KIAA0825: variants seen among roughly 807,000 people sequenced by gnomAD.
KIAA0825 encodes the protein uncharacterized protein KIAA0825.
KIAA0825 carries 119 observed loss-of-function variants against 147.6 expected under a neutral mutation model. The observed-to-expected ratio is 0.81, with a 90% CI of 0.69 to 0.94. KIAA0825 has a LOEUF of 0.94. KIAA0825 is among the 40% of genes least tolerant of loss of function. The pLI is 0.00. For missense variants in KIAA0825, 1,381 were observed against 1,472.7 expected (o/e 0.94, Z 1.02); for synonymous variants, 470 against 518.1 (o/e 0.91, Z 1.26).
chr5:94,608,464 T>G (rs1254957363), intron 1 of KIAA0825, among the ~76,000 whole-genome samples: 1 of 18,330 alleles, frequency 5.5e-5, no homozygotes, highest in Non-Finnish European at 9.6e-5. Flanking sequence ...TATATATATA[T>G]TATATATATA....
intron 20 of KIAA0825, among the ~76,000 whole-genome samples, chr5:94,371,079 A>G (rs1270249541): frequency 1.3e-5 from 2 of 152,148 alleles, no homozygotes; most frequent in Admixed American, 6.5e-5. Flanking sequence ...TTTATATTTT[A>G]TATCTTCCTG....
intron 5 of KIAA0825, among the ~76,000 whole-genome samples, chr5:94,516,752 A>G (rs1481700845): frequency 6.7e-6 from 1 of 148,156 alleles, no homozygotes; most frequent in Non-Finnish European, 1.5e-5. Flanking sequence ...ATCGCGCCAC[A>G]GCACTCCCGC....
intron 2 of KIAA0825, among the ~76,000 whole-genome samples, chr5:94,537,841 T>C (rs1772400065): frequency 6.6e-6 from 1 of 152,072 alleles, no homozygotes; most frequent in Non-Finnish European, 1.5e-5. Context: ...CACCTGGAAA[T>C]TGTAGCCTTA....
At chr5:94,236,526 A>G (rs551565060) in intron 20 of KIAA0825, among the ~76,000 whole-genome samples, 4 of 152,354 alleles carry the variant, frequency 2.6e-5, no homozygotes, top group African/African-American at 7.2e-5. Context: ...AAGAATTTAG[A>G]ATATTTCATA....
At chr5:94,424,145 CT>C (rs1754540696) in intron 14 of KIAA0825, among the ~76,000 whole-genome samples, 1 of 152,114 alleles carries the variant, frequency 6.6e-6, no homozygotes, top group African/African-American at 2.4e-5. Context: ...TTCTGTATAA[CT>C]GTCCATAAAA....
intron 20 of KIAA0825, among the ~76,000 whole-genome samples, chr5:94,200,946 CATATATATATATATATATATATATAT>C (rs34842887): frequency 1.3e-4 from 14 of 103,896 alleles, no homozygotes; most frequent in Middle Eastern, 5.6e-3. Flanking sequence ...AGAATTTAAA[CATATATATATATATATATATATATAT>C]ATATATATAT....
rs1380431335 is a variant in KIAA0825 at position 94,151,437 on chromosome 5, A to C, written c.*2570T>G. Among the ~76,000 whole-genome samples, 7 of 151,094 alleles carry C rather than the reference A, an allele frequency of 4.6e-5. No homozygotes were observed. The highest frequency in any genetic ancestry group is 3.9e-4 in the East Asian group (2 of 5,182). ...AGACTCCGTCTCAAAAAAAAAAAAAAAAAAAAAAAAAAAACATATTGAGTA... is the reference window on the plus strand; with the variant it reads ...AGACTCCGTCTCAAAAAAAAAAAAACAAAAAAAAAAAAAACATATTGAGTA... On this transcript the variant is annotated 3_prime_UTR_variant, in exon 21 of 21. Transcript: ENST00000682413.
intron 20 of KIAA0825, among the ~76,000 whole-genome samples, chr5:94,155,767 G>A (rs992659133): frequency 2.6e-5 from 4 of 152,062 alleles, no homozygotes; most frequent in African/African-American, 4.8e-5. Context: ...GTTTCTCCAC[G>A]TTTCCATATG....
At chr5:94,368,243 G>A (rs2150438303) in intron 20 of KIAA0825, among the ~76,000 whole-genome samples, 1 of 152,358 alleles carries the variant, frequency 6.6e-6, no homozygotes, top group African/African-American at 2.4e-5. Flanking sequence ...TGCAATCACA[G>A]CTCACTACAG....
chr5:94,497,373 C>A (rs1764506316), intron 5 of KIAA0825, among the ~76,000 whole-genome samples: 1 of 152,142 alleles, frequency 6.6e-6, no homozygotes, highest in Non-Finnish European at 1.5e-5. Flanking sequence ...ACACCAAGTT[C>A]TATCAATGTT....
intron 20 of KIAA0825, among the ~76,000 whole-genome samples, chr5:94,343,244 T>C (rs1304555909): frequency 6.6e-6 from 1 of 152,228 alleles, no homozygotes; most frequent in African/African-American, 2.4e-5. Flanking sequence ...TTTGAATATG[T>C]TGACAGCTAA....
intron 20 of KIAA0825, among the ~76,000 whole-genome samples, chr5:94,298,312 A>C (rs1445714037): frequency 6.6e-6 from 1 of 152,034 alleles, no homozygotes; most frequent in Non-Finnish European, 1.5e-5. Context: ...TGTATTTAGC[A>C]TACTGCTCAC....
At chr5:94,270,676 G>T (rs113333102) in intron 20 of KIAA0825, among the ~76,000 whole-genome samples, 245 of 152,210 alleles carry the variant, frequency 1.6e-3, no homozygotes, top group African/African-American at 5.4e-3. Flanking sequence ...CAGACCAATG[G>T]AGAAGGGGGG....
At chr5:94,330,049 T>G (rs1781107728) in intron 20 of KIAA0825, among the ~76,000 whole-genome samples, 1 of 151,894 alleles carries the variant, frequency 6.6e-6, no homozygotes, top group Non-Finnish European at 1.5e-5. Context: ...AAAAATGTAG[T>G]GTATTTGGGT....
intron 10 of KIAA0825, among the ~76,000 whole-genome samples, chr5:94,467,504 G>A (rs893132654): frequency 6.6e-6 from 1 of 152,166 alleles, no homozygotes; most frequent in African/African-American, 2.4e-5. Flanking sequence ...CTGAGCAGAT[G>A]TCAACCATCC....
chr5:94,201,410 A>G (rs574719742), intron 20 of KIAA0825, among the ~76,000 whole-genome samples: 1 of 151,644 alleles, frequency 6.6e-6, no homozygotes, highest in African/African-American at 2.4e-5. Flanking sequence ...ATTCAATGAC[A>G]CTTTAAAAAA....
chr5:94,544,069 A>G (rs1773867242), intron 2 of KIAA0825, among the ~76,000 whole-genome samples: 2 of 152,210 alleles, frequency 1.3e-5, no homozygotes, highest in Middle Eastern at 6.8e-3. Context: ...CTATGGACTC[A>G]CCCTGAATTC....
intron 20 of KIAA0825, among the ~76,000 whole-genome samples, chr5:94,312,600 G>A (rs1779285305): frequency 6.6e-6 from 1 of 151,598 alleles, no homozygotes; most frequent in African/African-American, 2.4e-5. Context: ...TCAATAATAT[G>A]GTGTAAAAAA....
intron 20 of KIAA0825, among the ~76,000 whole-genome samples, chr5:94,182,250 C>CTGTTTTTTTTTTT (rs1769701577): frequency 2.6e-5 from 1 of 38,276 alleles, no homozygotes; most frequent in Non-Finnish European, 4.3e-5. Context: ...AATGTCCCTT[C>CTGTTTTTTTTTTT]TTTTTTTTTT....
Sources: gnomAD v4.1 joint callset for allele counts (sites outside exome capture counted in the v4.1 genomes callset) on GRCh38, gnomAD v4.1.1 for gene constraint, MANE v1.5 for transcripts, NCBI Gene and HGNC (gene_info 2026-07-23, HGNC 2026-07-21) for gene names.